Variants in BDKRB2 observed in about 807,000 individuals in gnomAD.
BDKRB2 encodes B2 bradykinin receptor.
Under a neutral mutation model 4.0 loss-of-function variants are expected in BDKRB2, and 6 were observed. The ratio of observed to expected loss-of-function variants is 1.49; its 90% CI spans 0.81 to 2.93. The LOEUF (loss-of-function observed/expected upper bound fraction) is 2.93. Among genes scored for constraint, BDKRB2 ranks in the 30% most tolerant of loss-of-function variants. The pLI, the probability that BDKRB2 is intolerant of heterozygous loss-of-function variation, is 0.00. For missense variants in BDKRB2, 478 were observed against 520.1 expected (o/e 0.92, Z 0.79); for synonymous variants, 225 against 215.3 (o/e 1.05, Z -0.40).
intron 1 of BDKRB2, among the ~76,000 whole-genome samples, chr14:96,233,190 G>A (rs772646848): frequency 3.3e-5 from 5 of 152,048 alleles, no homozygotes; most frequent in African/African-American, 9.7e-5. Flanking sequence ...GTGCCACCAC[G>A]CTCACCTAAT....
chr14:96,205,736 C>T (rs950569577), intron 1 of BDKRB2, among the ~76,000 whole-genome samples: 1 of 152,212 alleles, frequency 6.6e-6, no homozygotes, highest in Non-Finnish European at 1.5e-5. Flanking sequence ...TAAAGAAGAC[C>T]TGGAAGTTCC....
chr14:96,205,399 C>G (rs1890151059), intron 1 of BDKRB2, among the ~76,000 whole-genome samples: 1 of 151,426 alleles, frequency 6.6e-6, no homozygotes, highest in South Asian at 2.1e-4. Flanking sequence ...ACAAGCTATT[C>G]AACCTCTCTG....
rs1278997806 is a variant in BDKRB2, at chr14:96,243,279, TCTGGAGAGCTAGAAC to T, written c.*1782_*1796del. On this transcript the variant is annotated 3_prime_UTR_variant, in exon 3 of 3. Coordinates refer to ENST00000554311, the MANE Select transcript of BDKRB2 (RefSeq NM_001379692.1). ...AGGGCTAGAACCTGGAGGGCTGGAA[TCTGGAGAGCTAGAAC>T]CTGGAGGGCTAGAACCTGGAGGGCT... is the stretch of plus-strand genomic sequence containing the variant. 1.0e-5 allele frequency: 1 copy of T among 100,100 alleles called. No individual in the cohort carries two copies. Among genetic ancestry groups the T allele is most frequent in the Non-Finnish European group, 2.0e-5 (1 of 50,206 alleles). The allele number at this position is 100,100 out of a possible 1,614,324, so 6.2% of individuals were successfully genotyped here. A position where few individuals can be genotyped will look rare whatever the true frequency, so the allele number is the denominator to read the frequency against.
Position 96,240,469 on chromosome 14 carries a change from C to A in BDKRB2, c.141C>A (p.Cys47Ter), listed in dbSNP as rs201100139. 3.2e-5 allele frequency: 48 copies of A among 1,518,856 alleles called. No individual in the cohort carries two copies. Among genetic ancestry groups the A allele is most frequent in the Non-Finnish European group, 4.2e-5 (48 of 1,135,704 alleles). The allele number at this position is 1,518,856 out of a possible 1,614,324, so 94.1% of individuals were successfully genotyped here. A position where few individuals can be genotyped will look rare whatever the true frequency, so the allele number is the denominator to read the frequency against. Residue 47 changes from cysteine (C) to a stop codon, truncating the protein, a stop_gained, in exon 3 of 3, where the codon TGC (cysteine) becomes TGA (stop). Transcript: ENST00000554311. LOFTEE classifies it low-confidence loss of function (END_TRUNC). Reference protein sequence around the residue: ...TLNGTFAQSKCPQVEWLGWLN... With the variant: ...TLNGTFAQSK ...ACGGGACCTTTGCCCAGAGCAAATG[C>A]CCCCAAGTGGAGTGGCTGGGCTGGC... is the stretch of plus-strand genomic sequence containing the variant.
chr14:96,227,528 C>T (rs537337941), intron 1 of BDKRB2, among the ~76,000 whole-genome samples: 63 of 152,290 alleles, frequency 4.1e-4, no homozygotes, highest in African/African-American at 1.1e-3. Flanking sequence ...CATGTATGCA[C>T]GCACACGTGT....
At chr14:96,225,210 G>T (rs1410284091) in intron 1 of BDKRB2, among the ~76,000 whole-genome samples, 1 of 152,100 alleles carries the variant, frequency 6.6e-6, no homozygotes. Context: ...AAGGTCTCCA[G>T]AATCATCTGT....
chr14:96,226,444 G>A (rs113768177), intron 1 of BDKRB2, among the ~76,000 whole-genome samples: 21,731 of 152,034 alleles, frequency 0.14, 1,923 homozygotes, highest in Admixed American at 0.26. Context: ...ACCTGAGGTC[G>A]GGAGTTCGAG....
chr14:96,237,767 T>C, intron 2 of BDKRB2: 1 of 1,289,798 alleles, frequency 7.8e-7, no homozygotes, highest in Non-Finnish European at 1.0e-6. Flanking sequence ...GGGGCCACAG[T>C]GCACTGGACC....
intron 1 of BDKRB2, among the ~76,000 whole-genome samples, chr14:96,236,153 G>T (rs577410122): frequency 1.3e-5 from 2 of 152,294 alleles, no homozygotes; most frequent in African/African-American, 4.8e-5. Flanking sequence ...AGGAGGCCCT[G>T]GGCTGAGAAC....
chr14:96,211,204 A>G (rs968770402), intron 1 of BDKRB2: 2 of 152,258 alleles, frequency 1.3e-5, no homozygotes, highest in Admixed American at 6.5e-5. Flanking sequence ...CCTTTCCCTC[A>G]GCCCCTAGCA....
chr14:96,216,594 G>A (rs1890421281), intron 1 of BDKRB2, among the ~76,000 whole-genome samples: 1 of 151,592 alleles, frequency 6.6e-6, no homozygotes, highest in African/African-American at 2.4e-5. Flanking sequence ...CTGCACTCCA[G>A]CCTGGGCAAC....
At chr14:96,227,856 C>T (rs11627761) in intron 1 of BDKRB2, among the ~76,000 whole-genome samples, 4,949 of 152,298 alleles carry the variant, frequency 0.032, 174 homozygotes, top group East Asian at 0.16. Context: ...GTCTCAGGGA[C>T]GGAACACCCA....
Position 96,241,504 on chromosome 14 carries a change from A to C in BDKRB2, c.1176A>C (p.Ter392CysextTer14). The C allele has an allele frequency of 2.0e-6, 3 of 1,519,408 alleles. No homozygotes were observed. Among genetic ancestry groups the C allele is most frequent in the Non-Finnish European group, 1.8e-6 (2 of 1,141,456 alleles). The allele number at this position is 1,519,408 out of a possible 1,614,324, so 94.1% of individuals were successfully genotyped here. A position where few individuals can be genotyped will look rare whatever the true frequency, so the allele number is the denominator to read the frequency against. ...KLQDWAGSRQ[*>C] ...AGGACTGGGCAGGGAGCAGACAGTG[A>C]GCAAACGCCAGCAGGGCTGCTGTGA... The change falls in exon 3 of 3, where the codon TGA becomes TGC. Residue 392 changes from the stop codon to cysteine, a stop_lost. Transcript: ENST00000554311.
chr14:96,241,660 C>A lies in BDKRB2; in HGVS notation c.*156C>A. On this transcript the variant is annotated 3_prime_UTR_variant, in exon 3 of 3. Coordinates refer to ENST00000554311, the MANE Select transcript of BDKRB2 (RefSeq NM_001379692.1). ...CACCGGAGACTAATTCCTGCCCTGC[C>A]CAATTTTGCAGGGAGCATGGCTGTG... 1 of 1,303,594 alleles carries A rather than the reference C, an allele frequency of 7.7e-7. No individual in the cohort carries two copies. Among genetic ancestry groups the A allele is most frequent in the Non-Finnish European group, 1.0e-6 (1 of 999,446 alleles). The allele number at this position is 1,303,594 out of a possible 1,614,324, so 80.8% of individuals were successfully genotyped here.
rs201791629 is a variant in BDKRB2, at chr14:96,241,325, G to A, written c.997G>A (p.Val333Met). The change falls in exon 3 of 3, where the codon GTG becomes ATG. Residue 333 changes from valine to methionine, a missense_variant. Coordinates refer to ENST00000554311, the MANE Select transcript of BDKRB2 (RefSeq NM_001379692.1). Reference sequence around the variant, plus strand: ...CAGCTGCCTCAACCCACTGGTGTACGTGATCGTGGGCAAGCGCTTCCGAAA... The same window carrying A: ...CAGCTGCCTCAACCCACTGGTGTACATGATCGTGGGCAAGCGCTTCCGAAA... ...SNSCLNPLVYVIVGKRFRKKS... is the reference protein window; with the variant it reads ...SNSCLNPLVYMIVGKRFRKKS... 4.9e-5 allele frequency: 79 copies of A among 1,613,900 alleles called. 3 individuals carry two copies. The South Asian group carries it at 6.8e-4, about 14-fold the overall frequency.
At chr14:96,237,899 A>T (rs1358046725) in intron 2 of BDKRB2, 1 of 1,274,714 alleles carries the variant, frequency 7.8e-7, no homozygotes, top group African/African-American at 1.5e-5. Context: ...AATAAGCAGC[A>T]TCTGGTGCTA....
At chr14:96,233,110 C>T (rs909996259) in intron 1 of BDKRB2, among the ~76,000 whole-genome samples, 3 of 152,170 alleles carry the variant, frequency 2.0e-5, no homozygotes, top group Non-Finnish European at 2.9e-5. Context: ...ACTGCAGCCT[C>T]GATCACCCCG....
At position 96,240,640 on chromosome 14, in the gene BDKRB2, G is replaced by A; in HGVS notation, c.312G>A (p.Leu104=). The change falls in exon 3 of 3, where the codon CTG becomes CTA. Residue 104 remains leucine, a synonymous_variant. Coordinates refer to ENST00000554311, the MANE Select transcript of BDKRB2 (RefSeq NM_001379692.1). Reference sequence around the variant, plus strand: ...TGGGGAACCTGGCCGCAGCAGACCTGATCCTGGCCTGCGGGCTGCCCTTCT... The same window carrying A: ...TGGGGAACCTGGCCGCAGCAGACCTAATCCTGGCCTGCGGGCTGCCCTTCT... ...IYLGNLAAAD[L]ILACGLPFWA... is the part of the protein sequence containing the mutation. 6.4e-7 allele frequency: 1 copy of A among 1,563,878 alleles called. No individual in the cohort carries two copies. The highest frequency in any genetic ancestry group is 8.6e-7 in the Non-Finnish European group (1 of 1,158,088).
intron 1 of BDKRB2, among the ~76,000 whole-genome samples, chr14:96,209,951 A>T (rs1417565844): frequency 2.6e-5 from 4 of 152,110 alleles, no homozygotes; most frequent in Non-Finnish European, 5.9e-5. Flanking sequence ...AGCTGAGATC[A>T]CACCACTGCA....
Sources: gnomAD v4.1 joint callset for allele counts (sites outside exome capture counted in the v4.1 genomes callset) on GRCh38, gnomAD v4.1.1 for gene constraint, MANE v1.5 for transcripts, NCBI Gene and HGNC (gene_info 2026-07-23, HGNC 2026-07-21) for gene names.